The following TNNT1 variants were observed in gnomAD, a reference collection of about 807,000 sequenced individuals.
TNNT1 encodes the protein troponin T, slow skeletal muscle.
A neutral mutation model predicts 50.6 loss-of-function variants in TNNT1; 53 were observed. The ratio of observed to expected loss-of-function variants is 1.05; its 90% CI spans 0.84 to 1.32. The LOEUF (loss-of-function observed/expected upper bound fraction) is 1.32, where lower values mean the gene tolerates loss of function less well. TNNT1 is among the 40% of genes most tolerant of loss of function. TNNT1 has a pLI of 0.00. For missense variants in TNNT1, 348 were observed against 381.7 expected, an observed-to-expected ratio of 0.91 and a Z score of 0.74; for synonymous variants, 142 against 138.0, an observed-to-expected ratio of 1.03 and a Z score of -0.20.
At chr19:55,148,321 C>G (rs1371466851) in intron 1 of TNNT1, among the ~76,000 whole-genome samples, 1 of 152,016 alleles carries the variant, frequency 6.6e-6, no homozygotes, top group Non-Finnish European at 1.5e-5. Flanking sequence ...ACCTGTCTCC[C>G]CTTTCACCTT....
intron 6 of TNNT1, among the ~76,000 whole-genome samples, chr19:55,142,677 A>G (rs2085481024): frequency 6.6e-6 from 1 of 151,362 alleles, no homozygotes; most frequent in African/African-American, 2.4e-5. Flanking sequence ...CTTCCCGAGT[A>G]GTTGGGATTA....
At chr19:55,140,445 G>C (rs983470624) in intron 9 of TNNT1, among the ~76,000 whole-genome samples, 3 of 152,092 alleles carry the variant, frequency 2.0e-5, no homozygotes, top group Non-Finnish European at 4.4e-5. Context: ...ACTTCAGCCT[G>C]GGTGACAGAG....
At chr19:55,133,664 C>T (rs1327715745) in intron 13 of TNNT1, 4 of 586,042 alleles carry the variant, frequency 6.8e-6, no homozygotes, top group South Asian at 2.0e-5. Flanking sequence ...GGTGACAGAG[C>T]GAGACGCAGT....
At chr19:55,147,211 G>A (rs2085577067) in intron 1 of TNNT1, 43 bp from the exon 2 acceptor site, 1 of 1,598,934 alleles carries the variant, frequency 6.3e-7, no homozygotes, top group Non-Finnish European at 8.5e-7. Flanking sequence ...GGGGCCCCAA[G>A]GAGGGGGCGA....
chr19:55,143,003 G>GA, intron 6 of TNNT1, among the ~76,000 whole-genome samples: 1 of 149,716 alleles, frequency 6.7e-6, no homozygotes, highest in South Asian at 2.1e-4. Context: ...ATCTCTACTA[G>GA]AAATTAAAAA....
intron 3 of TNNT1, 133 bp from the exon 4 acceptor site, chr19:55,146,840 T>A (rs571624241): frequency 3.8e-4 from 456 of 1,187,450 alleles, no homozygotes; most frequent in Middle Eastern, 1.8e-3. Context: ...ACGTTCCCCC[T>A]GGCGGTGCAG....
At position 55,147,026 on chromosome 19, in the gene TNNT1, G is replaced by C. The variant is rs540523935; in HGVS notation, c.33-5C>G. The C allele has an allele frequency of 1.2e-6, 2 of 1,611,984 alleles. No individual in the cohort carries two copies. The highest frequency in any genetic ancestry group is 2.2e-5 in the South Asian group (2 of 90,422). On this transcript the variant is annotated splice_region_variant and splice_polypyrimidine_tract_variant and intron_variant, in intron 2 of 13. Coordinates refer to ENST00000588981, the MANE Select transcript of TNNT1 (RefSeq NM_003283.6). Reference sequence around the variant, plus strand: ...TACTCACCTTCCGGCTGCTCCCTGCGGACGGGTGTGGGGAGAGAGGAGGGA... The same window carrying C: ...TACTCACCTTCCGGCTGCTCCCTGCCGACGGGTGTGGGGAGAGAGGAGGGA...
chr19:55,147,692 T>C (rs2085601828), intron 1 of TNNT1, among the ~76,000 whole-genome samples: 1 of 89,980 alleles, frequency 1.1e-5, no homozygotes, highest in Non-Finnish European at 2.3e-5. Context: ...TCTGGACTCC[T>C]GGATCTGAGG....
At chr19:55,135,851 A>C (rs893319168) in intron 11 of TNNT1, among the ~76,000 whole-genome samples, 1 of 152,088 alleles carries the variant, frequency 6.6e-6, no homozygotes, top group African/African-American at 2.4e-5. Flanking sequence ...AACCATGTGC[A>C]CAGGAAGGAG....
Position 55,140,979 on chromosome 19 carries a change from T to G in TNNT1, c.310-19A>C, listed in dbSNP as rs776540644. On this transcript the variant is annotated intron_variant, in intron 8 of 13. Coordinates refer to ENST00000588981, the MANE Select transcript of TNNT1 (RefSeq NM_003283.6). ...GCCGCTCCTGGGAAACGGAGAAGCA[T>G]AAGGGGGTGCAGGGACGTACCCCCA... 2 of 1,613,446 alleles carry G rather than the reference T, an allele frequency of 1.2e-6. No homozygotes were observed. Among genetic ancestry groups the G allele is most frequent in the South Asian group, 2.2e-5 (2 of 91,048 alleles).
In TNNT1 at chr19:55,141,211, T is replaced by C. The variant is rs1308212644; in HGVS notation, c.284A>G (p.Glu95Gly). 1.2e-6 allele frequency: 2 copies of C among 1,614,074 alleles called. No individual in the cohort carries two copies. Among genetic ancestry groups the C allele is most frequent in the African/African-American group, 1.3e-5 (1 of 74,936 alleles). ...HFEQRKKEEE[E>G]LVALKERIER... ...AATGCGCTCCTTCAAGGCAACCAGC[T>C]CCTCTTCCTCCTTCTTCCGCTGCTC... Residue 95 changes from glutamate (E) to glycine (G), a missense_variant, in exon 8 of 14, where the codon GAG becomes GGG. Around this residue, in one of 3 missense-constraint regions of TNNT1, gnomAD observed 253 missense variants for 291.8 expected, o/e 0.87. Coordinates refer to ENST00000588981, the MANE Select transcript of TNNT1 (RefSeq NM_003283.6).
At chr19:55,133,408 G>A (rs568192277) in intron 13 of TNNT1, 10 of 297,924 alleles carry the variant, frequency 3.4e-5, no homozygotes, top group South Asian at 1.1e-4. Context: ...GGCTGGGCGC[G>A]GTGGCTCACG....
At chr19:55,133,341 A>G (rs1032171733) in intron 13 of TNNT1, among the ~76,000 whole-genome samples, 3 of 150,844 alleles carry the variant, frequency 2.0e-5, no homozygotes, top group Non-Finnish European at 3.0e-5. Flanking sequence ...GGAGAGGGAG[A>G]GGAGGGAGGA....
intron 12 of TNNT1, 51 bp from the exon 13 acceptor site, chr19:55,133,978 G>A (rs1003760250): frequency 2.3e-5 from 37 of 1,610,902 alleles, no homozygotes; most frequent in Admixed American, 5.0e-5. Flanking sequence ...ACGTGGGGAC[G>A]GGCCACCCAC....
At chr19:55,145,376 A>AG (rs2085529332) in intron 6 of TNNT1, 168 bp downstream of exon 6, 1 of 643,302 alleles carries the variant, frequency 1.6e-6, no homozygotes, top group Non-Finnish European at 2.8e-6. Flanking sequence ...AGGAGGAGGG[A>AG]GAGGAGGGAG....
chr19:55,138,006 C>A lies in TNNT1; in HGVS notation c.456G>T (p.Lys152Asn). The stretch of plus-strand genomic sequence containing the variant: ...AATGGGCCCCCATGTTGGACAGCAC[C>A]TTCTTTTTCTTGGCATCATCCTCTG... The part of the protein sequence containing the change: ...KRAEDDAKKK[K>N]VLSNMGAHFG... Residue 152 changes from lysine to asparagine, a missense_variant, in exon 10 of 14, where the codon AAG becomes AAT. By Grantham distance (94) the Lys-to-Asn change is moderately conservative. This residue lies in a region of TNNT1 where 253 missense variants were observed against 291.8 expected (regional missense o/e 0.87). Coordinates refer to ENST00000588981, the MANE Select transcript of TNNT1 (RefSeq NM_003283.6). 2 of 1,614,218 alleles carry A rather than the reference C, an allele frequency of 1.2e-6. No individual in the cohort carries two copies. The highest frequency in any genetic ancestry group is 1.7e-6 in the Non-Finnish European group (2 of 1,180,036).
At chr19:55,146,848 C>T in intron 3 of TNNT1, 141 bp from the exon 4 acceptor site, 2 of 1,207,896 alleles carry the variant, frequency 1.7e-6, no homozygotes, top group South Asian at 3.2e-5. Context: ...CCTGGCGGTG[C>T]AGGGATGGCG....
chr19:55,148,486 C>T (rs2085622119), intron 1 of TNNT1, among the ~76,000 whole-genome samples: 2 of 151,914 alleles, frequency 1.3e-5, no homozygotes, highest in Admixed American at 6.6e-5. Context: ...TCTGAGACCC[C>T]GATTTATGAT....
chr19:55,136,025 A>G (rs2085341539), intron 11 of TNNT1, among the ~76,000 whole-genome samples: 1 of 152,094 alleles, frequency 6.6e-6, no homozygotes. Context: ...CCCCCTGGAG[A>G]GCAGCTGTTA....
Sources: allele counts gnomAD v4.1 joint callset (sites outside exome capture counted in the v4.1 genomes callset), GRCh38; gene constraint gnomAD v4.1.1; regional missense constraint gnomAD v4.1.1; transcripts MANE v1.5; gene names NCBI Gene and HGNC (gene_info 2026-07-23, HGNC 2026-07-21).